The following DIAPH3 variants were observed in gnomAD, a reference collection of about 807,000 sequenced individuals.
DIAPH3 encodes protein diaphanous homolog 3.
A neutral mutation model predicts 144.3 loss-of-function variants in DIAPH3; 117 were observed. That is an observed-to-expected ratio of 0.81 (90% CI 0.70 to 0.95). DIAPH3 has a LOEUF of 0.95. Among genes scored for constraint, DIAPH3 ranks in the 40% least tolerant of loss-of-function variants. The pLI is 0.00. For missense variants in DIAPH3, 1,421 were observed against 1,412.7 expected, an observed-to-expected ratio of 1.01 and a Z score of -0.09; for synonymous variants, 519 against 488.9, an observed-to-expected ratio of 1.06 and a Z score of -0.81.
chr13:59,808,789 T>C (rs1437452101), intron 25 of DIAPH3, among the ~76,000 whole-genome samples: 1 of 152,160 alleles, frequency 6.6e-6, no homozygotes. Flanking sequence ...AGTGAGACAC[T>C]GAATTGCATA....
chr13:59,874,608 C>T (rs1358640289), intron 21 of DIAPH3, among the ~76,000 whole-genome samples: 2 of 152,152 alleles, frequency 1.3e-5, no homozygotes, highest in Non-Finnish European at 2.9e-5. Flanking sequence ...CTGAGACGAA[C>T]TCATTAGATA....
At chr13:60,116,514 A>G (rs2138104483) in intron 2 of DIAPH3, among the ~76,000 whole-genome samples, 1 of 152,176 alleles carries the variant, frequency 6.6e-6, no homozygotes, top group South Asian at 2.1e-4. Flanking sequence ...TCACTACTTC[A>G]TTGCCATCAT....
At chr13:59,835,801 C>T (rs1056086876) in intron 23 of DIAPH3, among the ~76,000 whole-genome samples, 27 of 151,858 alleles carry the variant, frequency 1.8e-4, no homozygotes, top group African/African-American at 6.5e-4. Context: ...TTCCTAGTCG[C>T]CACAGTTCAA....
At chr13:59,676,442 A>G (rs574487764) in intron 27 of DIAPH3, among the ~76,000 whole-genome samples, 12 of 152,304 alleles carry the variant, frequency 7.9e-5, no homozygotes, top group African/African-American at 2.9e-4. Context: ...CAAATATTTG[A>G]AGACAGATAT....
At chr13:59,782,956 G>C (rs2038819776) in intron 25 of DIAPH3, among the ~76,000 whole-genome samples, 1 of 152,172 alleles carries the variant, frequency 6.6e-6, no homozygotes, top group Admixed American at 6.5e-5. Flanking sequence ...AAGGTGAAGA[G>C]AGAGCCGGGG....
At chr13:59,739,153 T>C (rs1012645413) in intron 27 of DIAPH3, among the ~76,000 whole-genome samples, 1 of 152,208 alleles carries the variant, frequency 6.6e-6, no homozygotes, top group African/African-American at 2.4e-5. Context: ...GTAGAGGGAT[T>C]AGTAAAGGGA....
intron 25 of DIAPH3, among the ~76,000 whole-genome samples, chr13:59,802,891 A>G (rs956512831): frequency 2.0e-5 from 3 of 150,090 alleles, no homozygotes; most frequent in African/African-American, 7.3e-5. Context: ...TCACCTTGTT[A>G]GCCAGGATGG....
At chr13:59,717,068 A>G (rs2035099510) in intron 27 of DIAPH3, among the ~76,000 whole-genome samples, 2 of 152,248 alleles carry the variant, frequency 1.3e-5, no homozygotes, top group South Asian at 4.1e-4. Context: ...GCGTGTACAT[A>G]CTGTCTTAAA....
chr13:60,043,798 C>T (rs569964131), intron 4 of DIAPH3, among the ~76,000 whole-genome samples: 2 of 151,890 alleles, frequency 1.3e-5, no homozygotes, highest in Non-Finnish European at 2.9e-5. Context: ...GAGAAACAGG[C>T]AATACATAAA....
intron 27 of DIAPH3, among the ~76,000 whole-genome samples, chr13:59,767,047 CT>C (rs1160075120): frequency 6.6e-6 from 1 of 152,156 alleles, no homozygotes; most frequent in Non-Finnish European, 1.5e-5. Context: ...TCTGGCTTCT[CT>C]TTCTCTTTCT....
intron 20 of DIAPH3, among the ~76,000 whole-genome samples, chr13:59,890,093 C>T (rs2140117698): frequency 6.6e-6 from 1 of 152,276 alleles, no homozygotes; most frequent in Middle Eastern, 3.4e-3. Context: ...GTTCCACTCT[C>T]ACCCTGTAGC....
intron 17 of DIAPH3, among the ~76,000 whole-genome samples, chr13:59,952,623 C>T (rs944207420): frequency 6.6e-6 from 1 of 152,150 alleles, no homozygotes; most frequent in Non-Finnish European, 1.5e-5. Context: ...ACCTATTCCA[C>T]TCCCAACCAC....
intron 1 of DIAPH3, among the ~76,000 whole-genome samples, chr13:60,133,432 C>A (rs1267274853): frequency 6.6e-6 from 1 of 151,934 alleles, no homozygotes; most frequent in Non-Finnish European, 1.5e-5. Context: ...AACAGTGAAA[C>A]TTTAAATTTA....
At chr13:59,884,034 G>A (rs541127134) in intron 20 of DIAPH3, among the ~76,000 whole-genome samples, 18 of 152,106 alleles carry the variant, frequency 1.2e-4, no homozygotes, top group East Asian at 1.9e-4. Flanking sequence ...GGTGAGCAGC[G>A]GGCCTGAGCG....
At chr13:60,088,583 T>C (rs2057828921) in intron 4 of DIAPH3, among the ~76,000 whole-genome samples, 1 of 152,186 alleles carries the variant, frequency 6.6e-6, no homozygotes, top group South Asian at 2.1e-4. Context: ...AGAAGACTCC[T>C]TCCTCTCAAC....
intron 25 of DIAPH3, among the ~76,000 whole-genome samples, chr13:59,787,346 T>C (rs1447001057): frequency 1.3e-5 from 2 of 152,178 alleles, no homozygotes; most frequent in African/African-American, 2.4e-5. Context: ...TAGCAGAGAA[T>C]ATGGAAAAGT....
chr13:59,689,335 C>T (rs1312065828), intron 27 of DIAPH3, among the ~76,000 whole-genome samples: 1 of 151,816 alleles, frequency 6.6e-6, no homozygotes, highest in Non-Finnish European at 1.5e-5. Flanking sequence ...TTCACCCACA[C>T]AAGAGGAAGG....
At chr13:59,795,515 C>T (rs911367992) in intron 25 of DIAPH3, among the ~76,000 whole-genome samples, 5 of 148,124 alleles carry the variant, frequency 3.4e-5, no homozygotes, top group Admixed American at 6.9e-5. Flanking sequence ...AGTGCAGTGG[C>T]GTGATCTCAG....
intron 17 of DIAPH3, among the ~76,000 whole-genome samples, chr13:59,946,480 A>C (rs148668236): frequency 5.9e-5 from 9 of 152,310 alleles, no homozygotes; most frequent in Non-Finnish European, 1.3e-4. Flanking sequence ...GTTTATGCTC[A>C]ATAGATAGCA....
Sources: gnomAD v4.1 joint callset for allele counts (sites outside exome capture counted in the v4.1 genomes callset) on GRCh38, gnomAD v4.1.1 for gene constraint, MANE v1.5 for transcripts, NCBI Gene and HGNC (gene_info 2026-07-23, HGNC 2026-07-21) for gene names.